Variants in ZDHHC14 observed in about 807,000 individuals in gnomAD.
ZDHHC14 encodes palmitoyltransferase ZDHHC14.
In ZDHHC14, 16 loss-of-function variants were observed where a neutral mutation model predicts 47.7. The observed-to-expected ratio is 0.34, with a 90% CI of 0.23 to 0.51. The LOEUF is 0.51. ZDHHC14 is among the 20% of genes least tolerant of loss of function. The pLI is 0.97. For missense variants in ZDHHC14, 515 were observed against 662.5 expected (o/e 0.78, Z 2.44); for synonymous variants, 293 against 278.9 (o/e 1.05, Z -0.50).
chr6:157,624,162 T>G (rs1191899321), intron 3 of ZDHHC14, among the ~76,000 whole-genome samples: 1 of 152,176 alleles, frequency 6.6e-6, no homozygotes, highest in Non-Finnish European at 1.5e-5. Context: ...CAGCTCAGCT[T>G]GTGCCTAATT....
chr6:157,594,369 G>C (rs1784035525), intron 3 of ZDHHC14, among the ~76,000 whole-genome samples: 1 of 152,164 alleles, frequency 6.6e-6, no homozygotes, highest in South Asian at 2.1e-4. Context: ...CTCCCATGTA[G>C]GAAGTAGCTG....
In ZDHHC14 at chr6:157,625,370, A is replaced by G. The variant is rs557261717; in HGVS notation, c.566-2979A>G. 1.2e-4 allele frequency among the ~76,000 whole-genome samples: 19 copies of G among 152,264 alleles called. No homozygotes were observed. The South Asian group carries it at 3.5e-3, about 28-fold the overall frequency. On this transcript the variant is annotated intron_variant, in intron 3 of 8. Transcript: ENST00000359775. Reference sequence around the variant, plus strand: ...GGGAGGACAGGATGTCCTCTCCAGGACAAGTCAAGTCTGAGGGCCAGTCAG... The same window carrying G: ...GGGAGGACAGGATGTCCTCTCCAGGGCAAGTCAAGTCTGAGGGCCAGTCAG...
At chr6:157,480,933 A>G (rs2114715276) in intron 1 of ZDHHC14, among the ~76,000 whole-genome samples, 1 of 152,346 alleles carries the variant, frequency 6.6e-6, no homozygotes, top group South Asian at 2.1e-4. Flanking sequence ...AGTTTTAAAA[A>G]AATGTGTTTT....
At chr6:157,411,752 TAAAA>T (rs10719123) in intron 1 of ZDHHC14, among the ~76,000 whole-genome samples, 7 of 139,476 alleles carry the variant, frequency 5.0e-5, no homozygotes, top group Non-Finnish European at 4.6e-5. Context: ...ATGTTCATGG[TAAAA>T]AAAAAAAAAA....
intron 1 of ZDHHC14, among the ~76,000 whole-genome samples, chr6:157,388,584 A>C (rs1238174500): frequency 6.6e-6 from 1 of 152,218 alleles, no homozygotes; most frequent in African/African-American, 2.4e-5. Flanking sequence ...GGATCTAATA[A>C]AATGTCAGTT....
chr6:157,568,926 C>T (rs143210129), intron 2 of ZDHHC14, among the ~76,000 whole-genome samples: 1 of 152,160 alleles, frequency 6.6e-6, no homozygotes, highest in Non-Finnish European at 1.5e-5. Context: ...CTTTTTTGCC[C>T]ATTTTATCAC....
chr6:157,594,611 C>T (rs1562497741), intron 3 of ZDHHC14, among the ~76,000 whole-genome samples: 1 of 152,202 alleles, frequency 6.6e-6, no homozygotes, highest in Non-Finnish European at 1.5e-5. Context: ...GTTACTCCTC[C>T]TCTCTTGATA....
chr6:157,511,881 T>C (rs1014968759), intron 1 of ZDHHC14, among the ~76,000 whole-genome samples: 1 of 152,112 alleles, frequency 6.6e-6, no homozygotes, highest in African/African-American at 2.4e-5. Flanking sequence ...CATAAATAAA[T>C]AGGCTTTTAA....
chr6:157,431,001 G>T (rs911784270), intron 1 of ZDHHC14, among the ~76,000 whole-genome samples: 2 of 152,178 alleles, frequency 1.3e-5, no homozygotes, highest in Non-Finnish European at 2.9e-5. Context: ...CTGTTGTGTT[G>T]CTGATCTGCT....
intron 1 of ZDHHC14, among the ~76,000 whole-genome samples, chr6:157,530,004 G>A (rs938535470): frequency 2.0e-5 from 3 of 152,152 alleles, no homozygotes; most frequent in Non-Finnish European, 2.9e-5. Flanking sequence ...ACAATTAGCT[G>A]TGTACATTTC....
chr6:157,609,822 G>A (rs1037215042), intron 3 of ZDHHC14, among the ~76,000 whole-genome samples: 4 of 152,212 alleles, frequency 2.6e-5, no homozygotes, highest in African/African-American at 9.6e-5. Flanking sequence ...AGTGGAGTTG[G>A]AAGAAGAGCC....
At chr6:157,493,948 G>A (rs1239206488) in intron 1 of ZDHHC14, among the ~76,000 whole-genome samples, 3 of 152,194 alleles carry the variant, frequency 2.0e-5, no homozygotes, top group African/African-American at 4.8e-5. Context: ...GCCACACCTG[G>A]ATATCAAACC....
intron 1 of ZDHHC14, among the ~76,000 whole-genome samples, chr6:157,468,745 A>G (rs1285507954): frequency 6.6e-6 from 1 of 152,250 alleles, no homozygotes; most frequent in Non-Finnish European, 1.5e-5. Context: ...GCTTTATAAC[A>G]ACAGCAGTAG....
At position 157,623,539 on chromosome 6, in the gene ZDHHC14, C is replaced by CTTT. The variant is rs1194920593; in HGVS notation, c.566-4791_566-4789dup. On this transcript the variant is annotated intron_variant, in intron 3 of 8. Coordinates refer to ENST00000359775, the MANE Select transcript of ZDHHC14 (RefSeq NM_024630.3). ...GCAGCATGAGAACAGACTCATACAT[C>CTTT]TTTTTTTTTTTTTTTTTTTTTGAGA... Among the ~76,000 whole-genome samples, 21 of 126,202 alleles carry CTTT rather than the reference C, an allele frequency of 1.7e-4. 1 individual carries two copies. Among genetic ancestry groups the CTTT allele is most frequent in the African/African-American group, 1.9e-4 (6 of 31,770 alleles). The allele number at this position is 126,202 out of a possible 152,430, so 82.8% of individuals were successfully genotyped here. A position where few individuals can be genotyped will look rare whatever the true frequency, so the allele number is the denominator to read the frequency against.
chr6:157,383,938 G>A (rs971053847), intron 1 of ZDHHC14, among the ~76,000 whole-genome samples: 2 of 152,182 alleles, frequency 1.3e-5, no homozygotes, highest in Non-Finnish European at 2.9e-5. Context: ...GGGCATAGAG[G>A]TTCCCCATGA....
At chr6:157,597,465 A>C (rs1452789489) in intron 3 of ZDHHC14, among the ~76,000 whole-genome samples, 1 of 152,250 alleles carries the variant, frequency 6.6e-6, no homozygotes, top group Non-Finnish European at 1.5e-5. Context: ...ATAAAAAGGG[A>C]TTTACATGTA....
chr6:157,520,444 G>A (rs1229771228), intron 1 of ZDHHC14, among the ~76,000 whole-genome samples: 1 of 152,142 alleles, frequency 6.6e-6, no homozygotes, highest in Admixed American at 6.5e-5. Flanking sequence ...TTTCCAAAAC[G>A]TAAGTTTATA....
chr6:157,620,047 CCTGATA>C (rs1785125401), intron 3 of ZDHHC14, among the ~76,000 whole-genome samples: 1 of 152,192 alleles, frequency 6.6e-6, no homozygotes, highest in African/African-American at 2.4e-5. Context: ...AGAAACCATA[CCTGATA>C]CATTGCTTTA....
At chr6:157,602,506 A>AAAAG (rs71027354) in intron 3 of ZDHHC14, among the ~76,000 whole-genome samples, 3 of 145,430 alleles carry the variant, frequency 2.1e-5, no homozygotes, top group Admixed American at 6.9e-5. Flanking sequence ...AAAAAAAAAA[A>AAAAG]AACGCATTCA....
Sources: allele counts gnomAD v4.1 joint callset (sites outside exome capture counted in the v4.1 genomes callset), GRCh38; gene constraint gnomAD v4.1.1; transcripts MANE v1.5; gene names NCBI Gene and HGNC (gene_info 2026-07-23, HGNC 2026-07-21).